The following CLEC2B variants were observed in gnomAD, a reference collection of about 807,000 sequenced individuals.
CLEC2B encodes the protein C-type (calcium dependent, carbohydrate-recognition domain) lectin, superfamily member 2 (activation-induced).
Under a neutral mutation model 16.2 loss-of-function variants are expected in CLEC2B, and 14 were observed. That is an observed-to-expected ratio of 0.86 (90% CI 0.57 to 1.35). CLEC2B has a LOEUF of 1.35. CLEC2B is among the 40% of genes most tolerant of loss of function. The pLI is 0.00. For missense variants in CLEC2B, 166 were observed against 182.3 expected (o/e 0.91, Z 0.52); for synonymous variants, 42 against 55.8 (o/e 0.75, Z 1.10).
chr12:9,864,721 T>C (rs867721453), intron 1 of CLEC2B, among the ~76,000 whole-genome samples: 7 of 152,074 alleles, frequency 4.6e-5, no homozygotes, highest in Non-Finnish European at 7.4e-5. Flanking sequence ...AAGCAACTAA[T>C]TAATATATAC....
chr12:9,863,296 A>C (rs370014691), intron 1 of CLEC2B, among the ~76,000 whole-genome samples: 1 of 151,736 alleles, frequency 6.6e-6, no homozygotes, highest in South Asian at 2.1e-4. Context: ...CCCCACCCCC[A>C]AAAAAATCGA....
chr12:9,863,079 G>A (rs1390256636), intron 1 of CLEC2B, among the ~76,000 whole-genome samples: 5 of 152,190 alleles, frequency 3.3e-5, no homozygotes, highest in African/African-American at 1.2e-4. Flanking sequence ...TAGAGTGGCT[G>A]TCGAGCAGCA....
Position 9,857,643 on chromosome 12 carries a change from A to C in CLEC2B, c.74-6T>G, listed in dbSNP as rs1867904621. The C allele has an allele frequency of 2.5e-6, 4 of 1,596,094 alleles. No homozygotes were observed. The highest frequency in any genetic ancestry group is 3.4e-6 in the Non-Finnish European group (4 of 1,164,860). On this transcript the variant is annotated splice_polypyrimidine_tract_variant and splice_region_variant and intron_variant, in intron 2 of 4. Coordinates refer to ENST00000228438, the MANE Select transcript of CLEC2B (RefSeq NM_005127.3). The stretch of plus-strand genomic sequence containing the variant: ...AGAATCTCGAGTTAGTTTAACTGGA[A>C]ATGAGACAAATATATATCTTAAGTA...
chr12:9,861,919 A>G (rs1016537621), intron 2 of CLEC2B, among the ~76,000 whole-genome samples: 8 of 152,122 alleles, frequency 5.3e-5, no homozygotes, highest in African/African-American at 9.7e-5. Flanking sequence ...CTGTGTTTCT[A>G]TGAAAAATTA....
intron 1 of CLEC2B, chr12:9,867,224 T>C (rs1867977444): frequency 6.6e-6 from 1 of 152,128 alleles, no homozygotes; most frequent in Non-Finnish European, 1.5e-5. Context: ...TCATATAACC[T>C]TGGAAGAAAT....
chr12:9,859,347 A>G (rs998223512), intron 2 of CLEC2B, among the ~76,000 whole-genome samples: 2 of 151,952 alleles, frequency 1.3e-5, no homozygotes, highest in Non-Finnish European at 2.9e-5. Flanking sequence ...AAGTCATAAG[A>G]TGACTTTTGT....
intron 1 of CLEC2B, among the ~76,000 whole-genome samples, chr12:9,868,438 G>A (rs1329144891): frequency 1.3e-5 from 2 of 151,998 alleles, no homozygotes; most frequent in Admixed American, 6.6e-5. Flanking sequence ...CGTAGCATAC[G>A]CTGGTAGGTT....
At chr12:9,865,334 T>C (rs141143155) in intron 1 of CLEC2B, among the ~76,000 whole-genome samples, 2,896 of 151,234 alleles carry the variant, frequency 0.019, 59 homozygotes, top group Admixed American at 0.036. Flanking sequence ...TCCATGCAAA[T>C]AGAAACCAAA....
rs777722637 is a variant in CLEC2B, at chr12:9,853,279, C to T, written c.*21G>A. The T allele has an allele frequency of 4.7e-6, 7 of 1,501,424 alleles. No individual in the cohort carries two copies. The African/African-American group carries it at 9.6e-5, about 21-fold the overall frequency. The allele number at this position is 1,501,424 out of a possible 1,614,324, so 93.0% of individuals were successfully genotyped here. A position where few individuals can be genotyped will look rare whatever the true frequency, so the allele number is the denominator to read the frequency against. ...CTTAATAATGTTATTTTCTATTTTC[C>T]CCATTATCTTAGACATTAACTTAGT... On this transcript the variant is annotated 3_prime_UTR_variant, in exon 5 of 5. Transcript: ENST00000228438.
rs56774558 is a variant in CLEC2B at position 9,865,180 on chromosome 12, C to CAAAAAAAAAAAAAAA, written c.-2-2622_-2-2608dup. On this transcript the variant is annotated intron_variant, in intron 1 of 4. Transcript: ENST00000228438. Reference sequence around the variant, plus strand: ...CCTGGGCAATAAAGCAAGACTCTCTCAAAAAAAAAAAAAAAAAAAAAGCAT... The same window carrying CAAAAAAAAAAAAAAA: ...CCTGGGCAATAAAGCAAGACTCTCTCAAAAAAAAAAAAAAAAAAAAAAAAAAAAAAAAAAAAGCAT... Among the ~76,000 whole-genome samples the CAAAAAAAAAAAAAAA allele has an allele frequency of 2.0e-5, 2 of 99,104 alleles. 1 individual carries two copies. Among genetic ancestry groups the CAAAAAAAAAAAAAAA allele is most frequent in the African/African-American group, 8.2e-5 (2 of 24,356 alleles). The allele number at this position is 99,104 out of a possible 152,430, so 65.0% of individuals were successfully genotyped here. A position where few individuals can be genotyped will look rare whatever the true frequency, so the allele number is the denominator to read the frequency against.
chr12:9,868,437 C>T (rs1444017450), intron 1 of CLEC2B, among the ~76,000 whole-genome samples: 3 of 152,160 alleles, frequency 2.0e-5, no homozygotes, highest in Non-Finnish European at 4.4e-5. Flanking sequence ...CCGTAGCATA[C>T]GCTGGTAGGT....
chr12:9,861,906 T>C (rs1467146439), intron 2 of CLEC2B, among the ~76,000 whole-genome samples: 1 of 152,200 alleles, frequency 6.6e-6, no homozygotes, highest in East Asian at 1.9e-4. Flanking sequence ...GCATTTTCTA[T>C]GACTGTGTTT....
chr12:9,863,134 A>T (rs1009836922), intron 1 of CLEC2B, among the ~76,000 whole-genome samples: 1 of 152,094 alleles, frequency 6.6e-6, no homozygotes, highest in Non-Finnish European at 1.5e-5. Flanking sequence ...GGGCTGGAAC[A>T]CCTCGTCAGT....
chr12:9,861,352 C>T (rs528429619), intron 2 of CLEC2B, among the ~76,000 whole-genome samples: 5 of 152,012 alleles, frequency 3.3e-5, no homozygotes, highest in Admixed American at 6.6e-5. Context: ...ATCAGAAAAA[C>T]GTCAATTAAA....
intron 1 of CLEC2B, 117 bp from the exon 2 acceptor site, chr12:9,862,690 T>C: frequency 1.2e-6 from 1 of 850,770 alleles, no homozygotes; most frequent in Middle Eastern, 2.7e-4. Flanking sequence ...GTGCTGTGAT[T>C]ATCCCCAGCA....
intron 4 of CLEC2B, 41 bp from the exon 5 acceptor site, chr12:9,853,449 C>A: frequency 1.3e-6 from 2 of 1,533,802 alleles, no homozygotes; most frequent in Non-Finnish European, 1.8e-6. Context: ...CATGTGATTT[C>A]TTCCTTGCCC....
chr12:9,862,628 T>C, intron 1 of CLEC2B, 55 bp from the exon 2 acceptor site: 1 of 1,330,382 alleles, frequency 7.5e-7, no homozygotes. Flanking sequence ...AATGATGGCA[T>C]AAAAGTAAGT....
At chr12:9,868,514 G>A (rs1867989064) in intron 1 of CLEC2B, among the ~76,000 whole-genome samples, 2 of 152,036 alleles carry the variant, frequency 1.3e-5, no homozygotes, top group Admixed American at 6.6e-5. Flanking sequence ...ATCATAGATC[G>A]TTGTATTGAA....
intron 2 of CLEC2B, among the ~76,000 whole-genome samples, chr12:9,860,763 A>G (rs1364470484): frequency 6.6e-6 from 1 of 151,934 alleles, no homozygotes; most frequent in Non-Finnish European, 1.5e-5. Flanking sequence ...AAAGATAGAT[A>G]AAATAGAGTA....
Sources: gnomAD v4.1 joint callset for allele counts (sites outside exome capture counted in the v4.1 genomes callset) on GRCh38, gnomAD v4.1.1 for gene constraint, MANE v1.5 for transcripts, NCBI Gene and HGNC (gene_info 2026-07-23, HGNC 2026-07-21) for gene names.